The following KIF1A variants were observed in gnomAD, a reference collection of about 807,000 sequenced individuals.
The protein encoded by KIF1A is kinesin-like protein KIF1A.
KIF1A carries 46 observed loss-of-function variants against 227.3 expected under a neutral mutation model. That is an observed-to-expected ratio of 0.20 (90% CI 0.16 to 0.26). The LOEUF (loss-of-function observed/expected upper bound fraction) is 0.26. KIF1A is among the 10% of genes least tolerant of loss of function. The pLI is 1.00. For synonymous variants in KIF1A, 1,022 were observed against 1,012.8 expected, an observed-to-expected ratio of 1.01 and a Z score of -0.17; for missense variants, 1,683 against 2,485.9, an observed-to-expected ratio of 0.68 and a Z score of 6.87.
intron 6 of KIF1A, among the ~76,000 whole-genome samples, chr2:240,785,669 C>T (rs1041541567): frequency 1.3e-5 from 2 of 152,188 alleles, no homozygotes; most frequent in African/African-American, 4.8e-5. Context: ...AGCCCAGGGC[C>T]CACCTCCAGC....
chr2:240,745,572 T>A (rs2048495973), intron 31 of KIF1A, 55 bp from the exon 32 acceptor site: 1 of 1,523,860 alleles, frequency 6.6e-7, no homozygotes, highest in Non-Finnish European at 9.0e-7. Flanking sequence ...GATGAGACCT[T>A]ACCAGGTGGA....
At chr2:240,762,060 GC>G (rs1442606538) in intron 23 of KIF1A, among the ~76,000 whole-genome samples, 2 of 152,208 alleles carry the variant, frequency 1.3e-5, no homozygotes, top group African/African-American at 4.8e-5. Context: ...GCCTTTGGCT[GC>G]CCCCAATCTG....
At chr2:240,728,729 G>T (rs1347872260) in intron 38 of KIF1A, among the ~76,000 whole-genome samples, 8 of 152,228 alleles carry the variant, frequency 5.3e-5, no homozygotes, top group Admixed American at 3.3e-4. Context: ...CTGGAACATT[G>T]CAGGATCCTG....
intron 38 of KIF1A, chr2:240,728,494 A>G (rs2046273366): frequency 5.2e-6 from 5 of 955,588 alleles, no homozygotes; most frequent in Non-Finnish European, 7.5e-6. Flanking sequence ...CACAAGGCCC[A>G]GGGCAGAAAA....
rs1001907569 is a variant in KIF1A, at chr2:240,757,501, G to T, written c.2676C>A (p.Ser892Arg). 1 of 1,550,382 alleles carries T rather than the reference G, an allele frequency of 6.5e-7. No individual in the cohort carries two copies. Reference protein sequence around the residue: ...AALTPSPTFSSPDSDATEPAE... With the variant: ...AALTPSPTFSRPDSDATEPAE... The stretch of plus-strand genomic sequence containing the variant: ...CAGGCTCGGTGGCGTCGGAGTCGGG[G>T]CTCGAGAAGGTGGGGGAGGGGGTGA... Residue 892 changes from serine (S) to arginine (R), a missense_variant, in exon 27 of 49, where the codon AGC (serine) becomes AGA (arginine). By Grantham distance (110) the Ser-to-Arg change is moderately radical (BLOSUM62 -1). Coordinates refer to ENST00000498729, the MANE Select transcript of KIF1A (RefSeq NM_001244008.2). The surrounding 1 kb of genome is among the most constrained non-coding windows in gnomAD (Gnocchi z 6.2).
At chr2:240,721,996 C>G (rs1170733390) in intron 43 of KIF1A, 112 bp from the exon 44 acceptor site, 30 of 826,938 alleles carry the variant, frequency 3.6e-5, no homozygotes, top group Non-Finnish European at 1.4e-5. Context: ...GTTCCGACGC[C>G]AGAGCACAGT....
At chr2:240,817,083 T>C (rs1291763627) in intron 1 of KIF1A, among the ~76,000 whole-genome samples, 1 of 152,194 alleles carries the variant, frequency 6.6e-6, no homozygotes, top group Non-Finnish European at 1.5e-5. Context: ...CCAGGTGCCA[T>C]GCCAAAGGAC....
At position 240,820,074 on chromosome 2, in the gene KIF1A, C is replaced by A. The variant is rs2058624181; in HGVS notation, c.-61+48G>T. The A allele has an allele frequency of 6.6e-6, 1 of 151,230 alleles. No homozygotes were observed. The highest frequency in any genetic ancestry group is 1.5e-5 in the Non-Finnish European group (1 of 68,326). The allele number at this position is 151,230 out of a possible 1,614,324, so 9.4% of individuals were successfully genotyped here. On this transcript the variant is annotated intron_variant, in intron 1 of 48. Transcript: ENST00000498729. This position sits in a 1 kb window ranked among gnomAD's most constrained non-coding sequence, Gnocchi z 6.2. ...GGGCGCGGGCTGCCGGGCGCAGGTG[C>A]GGGGCGAGGGGCGCGGGCGCGGGAG...
At chr2:240,769,292 G>A (rs975373148) in intron 16 of KIF1A, 84 bp from the exon 17 acceptor site, 292 of 1,261,712 alleles carry the variant, frequency 2.3e-4, no homozygotes, top group South Asian at 2.1e-4. Flanking sequence ...TGGGGGCAGC[G>A]GGCCTGTGGC....
At chr2:240,784,378 C>G (rs1424392314) in intron 7 of KIF1A, among the ~76,000 whole-genome samples, 2 of 152,120 alleles carry the variant, frequency 1.3e-5, no homozygotes, top group Non-Finnish European at 2.9e-5. Flanking sequence ...AGGACCCTCT[C>G]GGTGCCCACC....
chr2:240,742,876 C>A lies in KIF1A; in HGVS notation c.3640+53G>T, dbSNP rs900477469. The A allele has an allele frequency of 4.0e-6, 6 of 1,504,928 alleles. No homozygotes were observed. In the Admixed American group the frequency reaches 9.0e-5, roughly 23 times the overall value. The allele number at this position is 1,504,928 out of a possible 1,614,324, so 93.2% of individuals were successfully genotyped here. On this transcript the variant is annotated intron_variant, in intron 34 of 48. Transcript: ENST00000498729. ...TGCGGGGGCCCAGCCCACTACAGCA[C>A]CCACAGTGAGGGGAGCTCACTGCCC...
intron 1 of KIF1A, among the ~76,000 whole-genome samples, 160 bp downstream of exon 1, chr2:240,819,962 C>A (rs942767275): frequency 1.3e-5 from 2 of 152,198 alleles, no homozygotes; most frequent in African/African-American, 4.8e-5. Flanking sequence ...AGTGAAGGGG[C>A]CTCGCAGTGC....
chr2:240,819,656 C>A (rs968840775), intron 1 of KIF1A, among the ~76,000 whole-genome samples: 4 of 151,764 alleles, frequency 2.6e-5, no homozygotes, highest in Non-Finnish European at 5.9e-5. Context: ...CCAGGTGCGG[C>A]GTCAGCGTCC....
rs910983874 is a variant in KIF1A, at chr2:240,790,445, G to C, written c.107-1133C>G. ...CTCAGCCAGCGTGGGCTGGGGGCCAGCGGCACAGCCTCCAGTATGCCCGCA... is the reference window on the plus strand; with the variant it reads ...CTCAGCCAGCGTGGGCTGGGGGCCACCGGCACAGCCTCCAGTATGCCCGCA... On this transcript the variant is annotated intron_variant, in intron 2 of 48. Coordinates refer to ENST00000498729, the MANE Select transcript of KIF1A (RefSeq NM_001244008.2). This position sits in a 1 kb window ranked among gnomAD's most constrained non-coding sequence, Gnocchi z 5.0. Among the ~76,000 whole-genome samples, 5 of 152,092 alleles carry C rather than the reference G, an allele frequency of 3.3e-5. No homozygotes were observed. Among genetic ancestry groups the C allele is most frequent in the African/African-American group, 1.2e-4 (5 of 41,414 alleles).
chr2:240,788,197 C>A lies in KIF1A; in HGVS notation c.217G>T (p.Val73Leu), dbSNP rs770463399. ...ATCTCCTCGCCGATGTCCCGGTACACCTGCTTCTGCGACGCGTAGTTGATG... is the reference window on the plus strand; with the variant it reads ...ATCTCCTCGCCGATGTCCCGGTACAACTGCTTCTGCGACGCGTAGTTGATG... ...EDINYASQKQ[V>L]YRDIGEEMLQ... The change falls in exon 4 of 49, where the codon GTG becomes TTG. Residue 73 changes from valine (V) to leucine (L), a missense_variant. Around this residue, in one of 12 missense-constraint regions of KIF1A, gnomAD observed 71 missense variants for 129.1 expected, o/e 0.55. Transcript: ENST00000498729. This position sits in a 1 kb window ranked among gnomAD's most constrained non-coding sequence, Gnocchi z 6.6. The A allele has an allele frequency of 3.7e-6, 6 of 1,613,788 alleles. No individual in the cohort carries two copies. The highest frequency in any genetic ancestry group is 8.5e-7 in the Non-Finnish European group (1 of 1,179,888).
At chr2:240,735,384 C>T (rs1428674187) in intron 38 of KIF1A, among the ~76,000 whole-genome samples, 1 of 108,788 alleles carries the variant, frequency 9.2e-6, no homozygotes, top group African/African-American at 2.9e-5. Flanking sequence ...TGAGGTCCAG[C>T]CATGAGCCGC....
rs1384620978 is a variant in KIF1A, at chr2:240,783,358, T to C, written c.799-249A>G. ...GATATCATCCCATGTCCCCCTGAAA[T>C]GCTTCCGGGTCCCCTGCCCAAGCAT... is the stretch of plus-strand genomic sequence containing the variant. On this transcript the variant is annotated intron_variant, in intron 8 of 48. Coordinates refer to ENST00000498729, the MANE Select transcript of KIF1A (RefSeq NM_001244008.2). Among the ~76,000 whole-genome samples the C allele has an allele frequency of 2.0e-5, 3 of 152,172 alleles. No homozygotes were observed. The South Asian group carries it at 6.2e-4, about 31-fold the overall frequency.
At chr2:240,812,899 G>GGGATCAGCCTTCACCTCAA (rs1575677736) in intron 1 of KIF1A, among the ~76,000 whole-genome samples, 59 of 46,886 alleles carry the variant, frequency 1.3e-3, no homozygotes, top group East Asian at 3.8e-3. Context: ...CTTCACCTCG[G>GGGATCAGCCTTCACCTCAA]GGATCCGCCT....
rs1049441176 is a variant in KIF1A, at chr2:240,773,126, C to T, written c.1168G>A (p.Asp390Asn). 6 of 1,612,542 alleles carry T rather than the reference C, an allele frequency of 3.7e-6. No individual in the cohort carries two copies. Among genetic ancestry groups the T allele is most frequent in the African/African-American group, 1.3e-5 (1 of 74,920 alleles). ...RDLLYAQGLGDITDTNTVPGG... is the reference protein window; with the variant it reads ...RDLLYAQGLGNITDTNTVPGG... ...AGCAGGCACTCACTGTCAGTGATGT[C>T]GCCAAGACCCTGGGCGTACAGAAGG... The change falls in exon 13 of 49, where the codon GAC (aspartate) becomes AAC (asparagine). Residue 390 changes from aspartate (D) to asparagine (N), a missense_variant. This residue lies in a region of KIF1A where 110 missense variants were observed against 133.1 expected (regional missense o/e 0.83). Coordinates refer to ENST00000498729, the MANE Select transcript of KIF1A (RefSeq NM_001244008.2).
Sources: gnomAD v4.1 joint callset for allele counts (sites outside exome capture counted in the v4.1 genomes callset) on GRCh38, gnomAD v4.1.1 for gene constraint, gnomAD v4.1.1 regional missense constraint, Gnocchi (gnomAD v3.1) non-coding constraint, MANE v1.5 for transcripts, NCBI Gene and HGNC (gene_info 2026-07-23, HGNC 2026-07-21) for gene names.